MATN3: variants seen among roughly 807,000 people sequenced by gnomAD.
MATN3 encodes the protein matrilin 3.
Under a neutral mutation model 45.3 loss-of-function variants are expected in MATN3, and 48 were observed. That is an observed-to-expected ratio of 1.06 (90% CI 0.84 to 1.35). The LOEUF (loss-of-function observed/expected upper bound fraction) is 1.35, where lower values mean the gene tolerates loss of function less well. Ranked by LOEUF, MATN3 falls within the 40% of genes most tolerant of loss-of-function variation. MATN3 has a pLI of 0.00. For synonymous variants in MATN3, 217 were observed against 245.9 expected, an observed-to-expected ratio of 0.88 and a Z score of 1.10; for missense variants, 599 against 628.0, an observed-to-expected ratio of 0.95 and a Z score of 0.49.
At chr2:20,002,772 TTA>T (rs926593138) in intron 3 of MATN3, among the ~76,000 whole-genome samples, 4 of 151,590 alleles carry the variant, frequency 2.6e-5, no homozygotes, top group African/African-American at 9.7e-5. Flanking sequence ...GCTTTTTTTT[TTA>T]AATTATTTTT....
rs1018813703 is a variant in MATN3, at chr2:20,000,663, A to C, written c.1043-97T>G. ...TATTTGCAGCTGGAAACATATGAGG[A>C]AAACTTACTGGAAACTATTCAAAGC... On this transcript the variant is annotated intron_variant, in intron 4 of 7. Coordinates refer to ENST00000407540, the MANE Select transcript of MATN3 (RefSeq NM_002381.5). The C allele has an allele frequency of 8.1e-6, 10 of 1,238,708 alleles. No homozygotes were observed. The African/African-American group carries it at 1.4e-4, about 17-fold the overall frequency. The allele number at this position is 1,238,708 out of a possible 1,614,324, so 76.7% of individuals were successfully genotyped here.
intron 1 of MATN3, among the ~76,000 whole-genome samples, chr2:20,011,882 C>T (rs1349248828): frequency 6.6e-6 from 1 of 152,206 alleles, no homozygotes; most frequent in Non-Finnish European, 1.5e-5. Context: ...AATTGTTCGC[C>T]AAAGACCCAG....
At chr2:20,001,229 A>G (rs1196161420) in intron 4 of MATN3, among the ~76,000 whole-genome samples, 6 of 152,232 alleles carry the variant, frequency 3.9e-5, no homozygotes, top group African/African-American at 1.4e-4. Context: ...AGAAATTAAC[A>G]TTGATATAAT....
intron 7 of MATN3, 115 bp from the exon 8 acceptor site, chr2:19,993,281 A>G: frequency 1.2e-6 from 1 of 828,224 alleles, no homozygotes; most frequent in South Asian, 1.6e-5. Context: ...GAAAAAAAAG[A>G]GCAAAACTGT....
chr2:20,005,230 G>A (rs1673070137), intron 2 of MATN3, among the ~76,000 whole-genome samples: 1 of 152,116 alleles, frequency 6.6e-6, no homozygotes, highest in South Asian at 2.1e-4. Flanking sequence ...TTCACTAAAT[G>A]CACACTCGGG....
intron 5 of MATN3, among the ~76,000 whole-genome samples, chr2:19,998,528 G>A (rs1192243653): frequency 6.6e-6 from 1 of 152,166 alleles, no homozygotes; most frequent in South Asian, 2.1e-4. Context: ...AGCCAAGGCA[G>A]GTGTATTGCT....
At chr2:20,007,390 G>A (rs530863547) in intron 1 of MATN3, among the ~76,000 whole-genome samples, 60 of 151,924 alleles carry the variant, frequency 3.9e-4, no homozygotes, top group Non-Finnish European at 7.5e-4. Flanking sequence ...TTAGCGGGTC[G>A]TAGTGGCATG....
Position 20,011,184 on chromosome 2 carries a change from T to G in MATN3, c.223+1225A>C, listed in dbSNP as rs540826161. On this transcript the variant is annotated intron_variant, in intron 1 of 7. Transcript: ENST00000407540. ...ATGATCAGGTTCGGACTCTAGGTAATGAAAGACCAGTAAAGCTTAGGGGGA... is the reference window on the plus strand; with the variant it reads ...ATGATCAGGTTCGGACTCTAGGTAAGGAAAGACCAGTAAAGCTTAGGGGGA... Among the ~76,000 whole-genome samples the G allele has an allele frequency of 3.3e-5, 5 of 152,360 alleles. No individual in the cohort carries two copies. In the East Asian group the frequency reaches 5.8e-4, roughly 18 times the overall value.
At position 20,000,440 on chromosome 2, in the gene MATN3, C is replaced by T. The variant is rs750804815; in HGVS notation, c.1168+1G>A. 6.2e-7 allele frequency: 1 copy of T among 1,604,998 alleles called. No individual in the cohort carries two copies. The highest frequency in any genetic ancestry group is 1.1e-5 in the South Asian group (1 of 88,462). ...GAAAGAATTTTTTGAGTGGATCTTA[C>T]CTGAACATGTTTTTTTATCTGCATT... On this transcript the variant is annotated splice_donor_variant, in intron 5 of 7. Coordinates refer to ENST00000407540, the MANE Select transcript of MATN3 (RefSeq NM_002381.5). LOFTEE classifies it high-confidence loss of function.
intron 2 of MATN3, 69 bp from the exon 3 acceptor site, chr2:20,003,355 CA>C: frequency 6.9e-7 from 1 of 1,455,588 alleles, no homozygotes; most frequent in African/African-American, 1.4e-5. Context: ...TCTCCCATGT[CA>C]ATAGACATTG....
intron 1 of MATN3, among the ~76,000 whole-genome samples, chr2:20,007,832 A>C (rs932090698): frequency 1.3e-5 from 2 of 152,208 alleles, no homozygotes; most frequent in African/African-American, 4.8e-5. Flanking sequence ...ATCACAGTAC[A>C]TTTTAGTGTT....
chr2:20,011,956 C>T (rs1673226702), intron 1 of MATN3, among the ~76,000 whole-genome samples: 1 of 152,216 alleles, frequency 6.6e-6, no homozygotes, highest in Admixed American at 6.5e-5. Context: ...CACCCGCATC[C>T]CTTACCTTCC....
rs1456676396 is a variant in MATN3 at position 20,012,533 on chromosome 2, G to C, written c.99C>G (p.Arg33=). The change falls in exon 1 of 8, where the codon CGC becomes CGG. Residue 33 remains arginine, a synonymous_variant. Transcript: ENST00000407540. This position sits in a 1 kb window ranked among gnomAD's most constrained non-coding sequence, Gnocchi z 4.3. ...LPSAAPDPVA[R]PGFRRLETRG... Reference sequence around the variant, plus strand: ...GGGTCTCCAGCCTCCGGAAGCCCGGGCGGGCCACGGGGTCGGGGGCGGCGG... The same window carrying C: ...GGGTCTCCAGCCTCCGGAAGCCCGGCCGGGCCACGGGGTCGGGGGCGGCGG... 2.4e-6 allele frequency: 3 copies of C among 1,226,880 alleles called. No individual in the cohort carries two copies. The highest frequency in any genetic ancestry group is 3.0e-6 in the Non-Finnish European group (3 of 985,054). 76.0% of individuals were successfully genotyped at this position (1,226,880 alleles called of 1,614,324 possible).
chr2:20,011,351 T>C (rs1011862101), intron 1 of MATN3, among the ~76,000 whole-genome samples: 1 of 152,236 alleles, frequency 6.6e-6, no homozygotes, highest in East Asian at 1.9e-4. Context: ...ACCAGCTGAA[T>C]CTAGCCCTGT....
In MATN3 at chr2:20,000,450, T is replaced by G. The variant is rs1231126697; in HGVS notation, c.1159A>C (p.Thr387Pro). ...EGYTLNADKK[T>P]CSVRDKCALG... ...TTTGAGTGGATCTTACCTGAACATG[T>G]TTTTTTATCTGCATTCAGAGTGTAG... Residue 387 changes from threonine (T) to proline (P), a missense_variant, in exon 5 of 8, where the codon ACA becomes CCA. Physicochemically the swap from Thr to Pro is conservative, Grantham distance 38. Coordinates refer to ENST00000407540, the MANE Select transcript of MATN3 (RefSeq NM_002381.5). 6.2e-7 allele frequency: 1 copy of G among 1,604,988 alleles called. No homozygotes were observed. The highest frequency in any genetic ancestry group is 8.5e-7 in the Non-Finnish European group (1 of 1,176,808).
intron 7 of MATN3, 89 bp downstream of exon 7, chr2:19,994,192 ACCTAACAAATAAGTCACT>A: frequency 1.5e-6 from 1 of 687,724 alleles, no homozygotes; most frequent in South Asian, 1.8e-5. Context: ...TCATATTAAA[ACCTAACAAATAAGTCACT>A]TGCCTGTGGA....
In MATN3 at chr2:20,005,803, T is replaced by C. The variant is rs1455578163; in HGVS notation, c.731A>G (p.Tyr244Cys). The part of the protein sequence containing the change: ...ASEPLEEHVF[Y>C]VETYGVIEKL... The stretch of plus-strand genomic sequence containing the variant: ...CTCAATGACCCCATAGGTCTCCACG[T>C]AGAAAACATGCTCCTCTAGGGGCTC... The change falls in exon 2 of 8, where the codon TAC (tyrosine) becomes TGC (cysteine). Residue 244 changes from tyrosine to cysteine, a missense_variant. Physicochemically the swap from Tyr to Cys is radical, Grantham distance 194. Coordinates refer to ENST00000407540, the MANE Select transcript of MATN3 (RefSeq NM_002381.5). 12 of 1,611,160 alleles carry C rather than the reference T, an allele frequency of 7.4e-6. No homozygotes were observed. Among genetic ancestry groups the C allele is most frequent in the Non-Finnish European group, 1.0e-5 (12 of 1,178,724 alleles).
chr2:20,012,368 T>C lies in MATN3; in HGVS notation c.223+41A>G, dbSNP rs977462042. The C allele has an allele frequency of 1.3e-5, 16 of 1,218,160 alleles. No homozygotes were observed. The highest frequency in any genetic ancestry group is 1.6e-5 in the Non-Finnish European group (16 of 977,064). The allele number at this position is 1,218,160 out of a possible 1,614,324, so 75.5% of individuals were successfully genotyped here. On this transcript the variant is annotated intron_variant, in intron 1 of 7. Transcript: ENST00000407540. This position sits in a 1 kb window ranked among gnomAD's most constrained non-coding sequence, Gnocchi z 4.3. ...CTTGGTGGATGCCCTGGGCTTCTCC[T>C]CGTTCGATGCTCACGCGTCCCTCCC...
intron 1 of MATN3, among the ~76,000 whole-genome samples, chr2:20,006,778 AG>A (rs1286384749): frequency 3.3e-5 from 5 of 152,216 alleles, no homozygotes; most frequent in African/African-American, 1.2e-4. Flanking sequence ...GTCTGAGGCA[AG>A]GCACTCAGGG....
Sources: gnomAD v4.1 joint callset for allele counts (sites outside exome capture counted in the v4.1 genomes callset) on GRCh38, gnomAD v4.1.1 for gene constraint, Gnocchi (gnomAD v3.1) non-coding constraint, MANE v1.5 for transcripts, NCBI Gene and HGNC (gene_info 2026-07-23, HGNC 2026-07-21) for gene names.